The following NOTCH1 variants were observed in gnomAD, a reference collection of about 807,000 sequenced individuals.
NOTCH1 encodes notch receptor 1.
In NOTCH1, 37 loss-of-function variants were observed where a neutral mutation model predicts 254.8. That is an observed-to-expected ratio of 0.15 (90% CI 0.11 to 0.19). The LOEUF is 0.19. Among genes scored for constraint, NOTCH1 ranks in the 10% least tolerant of loss-of-function variants. The probability of loss-of-function intolerance (pLI) is 1.00; values close to 1 mark genes in which losing one functional copy is unlikely to be tolerated. For missense variants in NOTCH1, 2,972 were observed against 3,708.6 expected (o/e 0.80, Z 5.16); for synonymous variants, 1,731 against 1,618.1 (o/e 1.07, Z -1.68).
At chr9:136,499,609 G>T (rs1169576523) in intron 31 of NOTCH1, among the ~76,000 whole-genome samples, 1 of 152,214 alleles carries the variant, frequency 6.6e-6, no homozygotes, top group Non-Finnish European at 1.5e-5. Flanking sequence ...TGGCACTCAG[G>T]AAGCCGGGCT....
At chr9:136,503,081 C>A in intron 27 of NOTCH1, 101 bp downstream of exon 27, 1 of 1,543,170 alleles carries the variant, frequency 6.5e-7, no homozygotes, top group Non-Finnish European at 8.9e-7. Context: ...AACGCTCACA[C>A]CCGTGGGTAG....
At chr9:136,544,974 C>T (rs1412619635) in intron 1 of NOTCH1, among the ~76,000 whole-genome samples, 1 of 152,200 alleles carries the variant, frequency 6.6e-6, no homozygotes, top group Non-Finnish European at 1.5e-5. Context: ...CTCCAACTCT[C>T]GGAGAAAGAG....
intron 27 of NOTCH1, chr9:136,502,838 C>A: frequency 1.7e-6 from 1 of 572,456 alleles, no homozygotes; most frequent in Non-Finnish European, 3.2e-6. Context: ...CACATGACAC[C>A]GATCAATTCT....
intron 8 of NOTCH1, 68 bp from the exon 9 acceptor site, chr9:136,517,453 C>A: frequency 8.6e-7 from 1 of 1,161,392 alleles, no homozygotes; most frequent in Non-Finnish European, 1.3e-6. Context: ...CAGCTGTGGA[C>A]TTGGGACAGA....
At chr9:136,509,413 C>T (rs748737364) in intron 18 of NOTCH1, among the ~76,000 whole-genome samples, 52 of 152,334 alleles carry the variant, frequency 3.4e-4, no homozygotes, top group South Asian at 2.1e-4. Context: ...ACGAGACTGA[C>T]GTTTACCAAA....
At chr9:136,528,252 T>G (rs1473551588) in intron 2 of NOTCH1, among the ~76,000 whole-genome samples, 2 of 141,888 alleles carry the variant, frequency 1.4e-5, no homozygotes, top group Non-Finnish European at 3.1e-5. Context: ...TGGGGTCAGC[T>G]GGACCCAACC....
chr9:136,498,823 GC>G, intron 33 of NOTCH1, 75 bp downstream of exon 33: 3 of 1,530,738 alleles, frequency 2.0e-6, no homozygotes, highest in Non-Finnish European at 2.7e-6. Flanking sequence ...GTGTCCCTGC[GC>G]CCCGTGGGTT....
At chr9:136,543,278 G>A (rs1843758689) in intron 2 of NOTCH1, 1 of 212,250 alleles carries the variant, frequency 4.7e-6, no homozygotes, top group Non-Finnish European at 9.8e-6. Context: ...GCCTAGAGGA[G>A]GCATCACCCG....
Position 136,545,434 on chromosome 9 carries a change from G to C in NOTCH1, c.61+292C>G, listed in dbSNP as rs1268726779. On this transcript the variant is annotated intron_variant, in intron 1 of 33. Coordinates refer to ENST00000651671, the MANE Select transcript of NOTCH1 (RefSeq NM_017617.5). This position sits in a 1 kb window ranked among gnomAD's most constrained non-coding sequence, Gnocchi z 6.8. ...CGGCGGCAAGCCCCACGCGCGGCGGGTGAAGGGCGGGCCCGGAGTAGGGCC... is the reference window on the plus strand; with the variant it reads ...CGGCGGCAAGCCCCACGCGCGGCGGCTGAAGGGCGGGCCCGGAGTAGGGCC... Among the ~76,000 whole-genome samples the C allele has an allele frequency of 6.6e-6, 1 of 151,274 alleles. No individual in the cohort carries two copies. The highest frequency in any genetic ancestry group is 1.5e-5 in the Non-Finnish European group (1 of 67,682).
At chr9:136,504,004 G>A (rs1402276420) in intron 26 of NOTCH1, among the ~76,000 whole-genome samples, 4 of 151,816 alleles carry the variant, frequency 2.6e-5, no homozygotes, top group East Asian at 1.9e-4. Context: ...TTCTCCCACC[G>A]TGGGACCCCC....
Position 136,513,974 on chromosome 9 carries a change from A to T in NOTCH1, c.2208-437T>A, listed in dbSNP as rs1431753277. On this transcript the variant is annotated intron_variant, in intron 13 of 33. Transcript: ENST00000651671. This position sits in a 1 kb window ranked among gnomAD's most constrained non-coding sequence, Gnocchi z 4.7. ...AGAGCAAGGCTCTGTCTCAAAATAA[A>T]GAAAAAAGTGGGGGCCGCAGCGCTT... Among the ~76,000 whole-genome samples the T allele has an allele frequency of 4.6e-5, 7 of 152,090 alleles. No homozygotes were observed. Among genetic ancestry groups the T allele is most frequent in the Admixed American group, 2.6e-4 (4 of 15,278 alleles).
chr9:136,508,805 C>A, intron 19 of NOTCH1, 65 bp downstream of exon 19: 2 of 1,462,952 alleles, frequency 1.4e-6, no homozygotes, highest in South Asian at 1.3e-5. Flanking sequence ...ACCGTTCCCA[C>A]CTCCCGCAGG....
rs1843148792 is a variant in NOTCH1 at position 136,509,788 on chromosome 9, G to A, written c.2914C>T (p.Pro972Ser). Residue 972 changes from proline (P) to serine (S), a missense_variant, in exon 18 of 34, where the codon CCC becomes TCC. This residue lies in a region of NOTCH1 where 1,343 missense variants were observed against 1,557.0 expected (regional missense o/e 0.86). Coordinates refer to ENST00000651671, the MANE Select transcript of NOTCH1 (RefSeq NM_017617.5). Reference sequence around the variant, plus strand: ...CAGTGGATCCCGCTGAAGCCTGCGGGGCAGGTGCACGTGTAGCTGTCCACG... The same window carrying A: ...CAGTGGATCCCGCTGAAGCCTGCGGAGCAGGTGCACGTGTAGCTGTCCACG... ...DCVDSYTCTC[P>S]AGFSGIHCEN... 6.2e-7 allele frequency: 1 copy of A among 1,613,134 alleles called. No homozygotes were observed. Among genetic ancestry groups the A allele is most frequent in the Non-Finnish European group, 8.5e-7 (1 of 1,180,020 alleles).
At chr9:136,532,243 G>C (rs1223240565) in intron 2 of NOTCH1, among the ~76,000 whole-genome samples, 2 of 152,190 alleles carry the variant, frequency 1.3e-5, no homozygotes, top group Admixed American at 6.5e-5. Flanking sequence ...ACCTTTCCCT[G>C]TGGGGAAAGT....
At position 136,539,929 on chromosome 9, in the gene NOTCH1, G is replaced by A. The variant is rs1188151504; in HGVS notation, c.140+4095C>T. Among the ~76,000 whole-genome samples the A allele has an allele frequency of 3.3e-5, 5 of 152,132 alleles. No homozygotes were observed. In the South Asian group the frequency reaches 6.2e-4, roughly 19 times the overall value. On this transcript the variant is annotated intron_variant, in intron 2 of 33. Coordinates refer to ENST00000651671, the MANE Select transcript of NOTCH1 (RefSeq NM_017617.5). ...TCCTCTTCTTTTAAGGGGAAGCCACGCCCCCAGTCCGCTTGTAGTCGGGAA... is the reference window on the plus strand; with the variant it reads ...TCCTCTTCTTTTAAGGGGAAGCCACACCCCCAGTCCGCTTGTAGTCGGGAA...
In NOTCH1 at chr9:136,519,418, G is replaced by A. The variant is rs547933231; in HGVS notation, c.865+25C>T. 5.3e-5 allele frequency: 85 copies of A among 1,612,144 alleles called. 1 individual carries two copies. The highest frequency in any genetic ancestry group is 3.8e-4 in the South Asian group (35 of 91,078). On this transcript the variant is annotated intron_variant, in intron 5 of 33. Coordinates refer to ENST00000651671, the MANE Select transcript of NOTCH1 (RefSeq NM_017617.5). ...GTAGCAGCCCCGCCCCGGCTACCCC[G>A]CCCTGCGGCGACCCGTATACGCGCC...
intron 4 of NOTCH1, among the ~76,000 whole-genome samples, chr9:136,520,001 T>C (rs990228459): frequency 6.7e-6 from 1 of 150,280 alleles, no homozygotes; most frequent in Admixed American, 6.6e-5. Context: ...TGGGGCAGGG[T>C]GGGCCCCTCG....
At chr9:136,536,436 G>A (rs1453454336) in intron 2 of NOTCH1, among the ~76,000 whole-genome samples, 1 of 152,216 alleles carries the variant, frequency 6.6e-6, no homozygotes, top group Non-Finnish European at 1.5e-5. Flanking sequence ...GGTCCAGGGG[G>A]AGAAGCAGCC....
At position 136,545,685 on chromosome 9, in the gene NOTCH1, G is replaced by T; in HGVS notation, c.61+41C>A. ...GCCGGGCGCCGCCAAAGTTTCCAAA[G>T]GGCGCGGAAAGTGGGGGCTCGCGGG... On this transcript the variant is annotated intron_variant, in intron 1 of 33. Transcript: ENST00000651671. The surrounding 1 kb of genome is among the most constrained non-coding windows in gnomAD (Gnocchi z 6.8). 7.0e-7 allele frequency: 1 copy of T among 1,434,368 alleles called. No homozygotes were observed. The highest frequency in any genetic ancestry group is 3.1e-5 in the East Asian group (1 of 32,356). The allele number at this position is 1,434,368 out of a possible 1,614,324, so 88.9% of individuals were successfully genotyped here. A position where few individuals can be genotyped will look rare whatever the true frequency, so the allele number is the denominator to read the frequency against.
Sources: allele counts gnomAD v4.1 joint callset (sites outside exome capture counted in the v4.1 genomes callset), GRCh38; gene constraint gnomAD v4.1.1; regional missense constraint gnomAD v4.1.1; non-coding constraint Gnocchi (gnomAD v3.1); transcripts MANE v1.5; gene names NCBI Gene and HGNC (gene_info 2026-07-23, HGNC 2026-07-21).